CASP8: variants seen among roughly 807,000 people sequenced by gnomAD.
The protein encoded by CASP8 is caspase-8.
In CASP8, 24 loss-of-function variants were observed where a neutral mutation model predicts 46.3. That is an observed-to-expected ratio of 0.52 (90% CI 0.38 to 0.73). The LOEUF (loss-of-function observed/expected upper bound fraction) is 0.73, where lower values mean the gene tolerates loss of function less well. CASP8 is among the 30% of genes least tolerant of loss of function. The pLI is 0.00. For synonymous variants in CASP8, 188 were observed against 200.4 expected, an observed-to-expected ratio of 0.94 and a Z score of 0.52; for missense variants, 460 against 559.0, an observed-to-expected ratio of 0.82 and a Z score of 1.79.
In CASP8 at chr2:201,268,416, C is replaced by T. The variant is rs1476168385; in HGVS notation, c.305+1625C>T. Among the ~76,000 whole-genome samples the T allele has an allele frequency of 5.9e-5, 9 of 151,712 alleles. No individual in the cohort carries two copies. The South Asian group carries it at 8.3e-4, about 14-fold the overall frequency. ...AAATACAAAAATTAGCTGGGTGTGG[C>T]GGCTCACGCCTGTAATCCCAGCTAC... On this transcript the variant is annotated intron_variant, in intron 2 of 8. Transcript: ENST00000673742.
intron 2 of CASP8, among the ~76,000 whole-genome samples, chr2:201,247,626 G>A (rs997122653): frequency 1.3e-5 from 2 of 149,574 alleles, no homozygotes; most frequent in Admixed American, 6.7e-5. Flanking sequence ...CTACAAGCGT[G>A]TGCCACCATT....
chr2:201,261,710 T>C (rs1947427710), intron 1 of CASP8, among the ~76,000 whole-genome samples: 1 of 152,192 alleles, frequency 6.6e-6, no homozygotes, highest in East Asian at 1.9e-4. Context: ...GTGGCAATAC[T>C]ACCTGCCGGT....
At chr2:201,269,925 G>A (rs768550781) in intron 2 of CASP8, among the ~76,000 whole-genome samples, 1 of 152,168 alleles carries the variant, frequency 6.6e-6, no homozygotes, top group Non-Finnish European at 1.5e-5. Context: ...AGTAGCTTTG[G>A]ATTAGATCCA....
In CASP8 at chr2:201,269,482, T is replaced by C. The variant is rs1026624116; in HGVS notation, c.306-2034T>C. The stretch of plus-strand genomic sequence containing the variant: ...AAGGAAAGCCGAGGGGGGTCTCATC[T>C]TGTGCCCACCATCTTGGTCCTTTGA... On this transcript the variant is annotated intron_variant, in intron 2 of 8. Coordinates refer to ENST00000673742, the MANE Select transcript of CASP8 (RefSeq NM_001372051.1). The C allele has an allele frequency of 1.9e-6, 3 of 1,560,756 alleles. No individual in the cohort carries two copies. In the African/African-American group the frequency reaches 4.1e-5, roughly 21 times the overall value.
chr2:201,267,376 T>C lies in CASP8; in HGVS notation c.305+585T>C, dbSNP rs192384941. The stretch of plus-strand genomic sequence containing the variant: ...AGATTTAAGGGTTTTCTGCCACACT[T>C]AAAGACTCGAATGACTAAGTTCTTT... On this transcript the variant is annotated intron_variant, in intron 2 of 8. Transcript: ENST00000673742. Among the ~76,000 whole-genome samples, 366 of 152,274 alleles carry C rather than the reference T, an allele frequency of 2.4e-3. 3 individuals carry two copies. Among genetic ancestry groups the C allele is most frequent in the Non-Finnish European group, 4.3e-3 (294 of 68,026 alleles).
intron 2 of CASP8, among the ~76,000 whole-genome samples, chr2:201,246,414 G>T (rs1160162337): frequency 6.6e-6 from 1 of 152,066 alleles, no homozygotes; most frequent in African/African-American, 2.4e-5. Context: ...CTATGCCATC[G>T]TGTCTCGGAA....
Position 201,276,909 on chromosome 2 carries a change from G to A in CASP8, c.743G>A (p.Arg248Gln), listed in dbSNP as rs764461240. The A allele has an allele frequency of 1.6e-5, 26 of 1,613,926 alleles. No homozygotes were observed. Among genetic ancestry groups the A allele is most frequent in the East Asian group, 2.2e-5 (1 of 44,892 alleles). The part of the protein sequence containing the change: ...IINNHNFAKA[R>Q]EKVPKLHSIR... ...AACAATCACAATTTTGCAAAAGCAC[G>A]GGAGAAAGTGCCCAAACTTCACAGC... The change falls in exon 7 of 9, where the codon CGG becomes CAG. Residue 248 changes from arginine to glutamine, a missense_variant. Physicochemically the swap from Arg to Gln is conservative, Grantham distance 43. Coordinates refer to ENST00000673742, the MANE Select transcript of CASP8 (RefSeq NM_001372051.1).
At chr2:201,260,453 GCT>G, upstream of CASP8, 2 of 751,906 alleles carry the variant, frequency 2.7e-6, no homozygotes, top group Non-Finnish European at 3.2e-6. Context: ...AGTGGTAAGC[GCT>G]CTTTCCCCTC....
chr2:201,247,811 A>G (rs142669993), intron 2 of CASP8, among the ~76,000 whole-genome samples: 1,619 of 151,910 alleles, frequency 0.011, 33 homozygotes, highest in African/African-American at 0.037. Context: ...CACCTGGCTA[A>G]TTTTTTGTAT....
intron 2 of CASP8, among the ~76,000 whole-genome samples, chr2:201,267,323 T>A (rs1249871148): frequency 6.6e-6 from 1 of 152,130 alleles, no homozygotes; most frequent in East Asian, 1.9e-4. Context: ...TCCCACCTGC[T>A]TGCGGATGGC....
intron 7 of CASP8, among the ~76,000 whole-genome samples, chr2:201,280,456 AAAGT>A (rs1948930623): frequency 6.6e-6 from 1 of 152,218 alleles, no homozygotes; most frequent in African/African-American, 2.4e-5. Flanking sequence ...GAAAGAGAAA[AAAGT>A]AAGCCAAATA....
intron 2 of CASP8, among the ~76,000 whole-genome samples, chr2:201,268,985 C>A (rs1326046057): frequency 6.6e-6 from 1 of 150,814 alleles, no homozygotes; most frequent in Non-Finnish European, 1.5e-5. Flanking sequence ...ATCGCCCAAG[C>A]TGGAGTGCAG....
chr2:201,269,532 TG>T lies in CASP8; in HGVS notation c.306-1981del, dbSNP rs776712453. 28 of 1,613,442 alleles carry T rather than the reference TG, an allele frequency of 1.7e-5. No individual in the cohort carries two copies. The highest frequency in any genetic ancestry group is 2.2e-5 in the Non-Finnish European group (26 of 1,179,688). On this transcript the variant is annotated intron_variant, in intron 2 of 8. Coordinates refer to ENST00000673742, the MANE Select transcript of CASP8 (RefSeq NM_001372051.1). Reference sequence around the variant, plus strand: ...AAGGTTCCACTTCTGCCGCATGAGCTGGGCTGAAGCAAACAGCCAGTGCCAG... The same window carrying T: ...AAGGTTCCACTTCTGCCGCATGAGCTGGCTGAAGCAAACAGCCAGTGCCAG...
chr2:201,236,561 A>G (rs1172065917), intron 2 of CASP8, among the ~76,000 whole-genome samples: 4 of 152,182 alleles, frequency 2.6e-5, no homozygotes, highest in African/African-American at 9.7e-5. Flanking sequence ...ACCAGAGGGC[A>G]GCAAGCCAAC....
chr2:201,268,969 C>T (rs1248416151), intron 2 of CASP8, among the ~76,000 whole-genome samples: 5 of 149,688 alleles, frequency 3.3e-5, no homozygotes, highest in African/African-American at 1.2e-4. Context: ...GACAGTGTCT[C>T]ACTACATCGC....
chr2:201,278,059 G>A (rs921397458), intron 7 of CASP8: 1 of 156,954 alleles, frequency 6.4e-6, no homozygotes, highest in African/African-American at 2.4e-5. Context: ...AAGGCACAGA[G>A]ATTAAGTCCA....
At position 201,245,387 on chromosome 2, in the gene CASP8, C is replaced by T. The variant is rs140083287; in HGVS notation, c.-27+11275C>T. ...TCCCGAGTAGCTGGAATTACAGACA[C>T]GCACCACCATGCCTGGCTAATTTTT... On this transcript the variant is annotated intron_variant, in intron 2 of 6. Transcript: ENST00000264274. Among the ~76,000 whole-genome samples, 533 of 152,044 alleles carry T rather than the reference C, an allele frequency of 3.5e-3. 3 individuals carry two copies. Among genetic ancestry groups the T allele is most frequent in the African/African-American group, 0.012 (505 of 41,470 alleles).
chr2:201,252,333 T>C (rs1010149073), intron 2 of CASP8, among the ~76,000 whole-genome samples: 2 of 152,132 alleles, frequency 1.3e-5, no homozygotes, highest in African/African-American at 2.4e-5. Context: ...TGTAGTACAG[T>C]GGCATGAACT....
intron 1 of CASP8, among the ~76,000 whole-genome samples, chr2:201,264,202 A>G (rs1005324574): frequency 1.3e-5 from 2 of 152,200 alleles, no homozygotes; most frequent in Non-Finnish European, 2.9e-5. Context: ...ATGCTGATAA[A>G]CAGTTGTTTC....
Sources: allele counts gnomAD v4.1 joint callset (sites outside exome capture counted in the v4.1 genomes callset), GRCh38; gene constraint gnomAD v4.1.1; transcripts MANE v1.5; gene names NCBI Gene and HGNC (gene_info 2026-07-23, HGNC 2026-07-21).